The following GSG1L2 variants were observed in gnomAD, a reference collection of about 807,000 sequenced individuals.
GSG1L2 encodes GSG1 like 2, also known as germ cell-specific gene 1-like protein 2.
A neutral mutation model predicts 9.0 loss-of-function variants in GSG1L2; 15 were observed. The ratio of observed to expected loss-of-function variants is 1.67; its 90% CI spans 1.12 to 2.57. The LOEUF (loss-of-function observed/expected upper bound fraction) is 2.57, where lower values mean the gene tolerates loss of function less well. Ranked by LOEUF, GSG1L2 falls within the 30% of genes most tolerant of loss-of-function variation. GSG1L2 has a pLI of 0.00. For missense variants in GSG1L2, 286 were observed against 150.3 expected, an observed-to-expected ratio of 1.90 and a Z score of -4.72; for synonymous variants, 127 against 57.9, an observed-to-expected ratio of 2.19 and a Z score of -5.41.
At chr17:9,816,163 C>T (rs901759646) in intron 1 of GSG1L2, among the ~76,000 whole-genome samples, 1 of 152,208 alleles carries the variant, frequency 6.6e-6, no homozygotes, top group African/African-American at 2.4e-5. Flanking sequence ...TTATAAATTA[C>T]CTAGTTTCTG....
rs906911969 is a variant in GSG1L2, at chr17:9,802,327, T to C, written c.*59A>G. 1.4e-4 allele frequency: 84 copies of C among 608,792 alleles called. No homozygotes were observed. The highest frequency in any genetic ancestry group is 1.2e-3 in the African/African-American group (64 of 54,150). The allele number at this position is 608,792 out of a possible 1,614,324, so 37.7% of individuals were successfully genotyped here. A position where few individuals can be genotyped will look rare whatever the true frequency, so the allele number is the denominator to read the frequency against. ...GTCCAACCCAGAGGCAGGGTGTACA[T>C]TGTGAGTGTCAGTGCCTGGCTTGTT... On this transcript the variant is annotated 3_prime_UTR_variant, in exon 5 of 5. Transcript: ENST00000399363.
At chr17:9,810,914 C>G (rs957454769) in intron 1 of GSG1L2, 1 of 418,104 alleles carries the variant, frequency 2.4e-6, no homozygotes, top group Non-Finnish European at 4.3e-6. Context: ...CTCTGTAATC[C>G]CAGAGGCCCA....
intron 1 of GSG1L2, among the ~76,000 whole-genome samples, chr17:9,813,942 T>TTC (rs2066549393): frequency 8.4e-6 from 1 of 119,050 alleles, no homozygotes; most frequent in East Asian, 8.8e-4. Context: ...CCACAGTTTT[T>TTC]TCTGTTTTTT....
intron 1 of GSG1L2, among the ~76,000 whole-genome samples, chr17:9,817,587 G>A (rs746040294): frequency 1.4e-4 from 22 of 151,990 alleles, no homozygotes; most frequent in Non-Finnish European, 2.6e-4. Flanking sequence ...ACCACACCCG[G>A]CTAATTTTTG....
chr17:9,817,622 A>C (rs2066572992), intron 1 of GSG1L2, among the ~76,000 whole-genome samples: 1 of 151,946 alleles, frequency 6.6e-6, no homozygotes, highest in Non-Finnish European at 1.5e-5. Context: ...ATGGGGTTTC[A>C]CCATGTTGGC....
intron 1 of GSG1L2, among the ~76,000 whole-genome samples, chr17:9,815,566 A>G (rs1314114245): frequency 6.6e-6 from 1 of 152,202 alleles, no homozygotes; most frequent in Admixed American, 6.5e-5. Context: ...CTTCTCAGAG[A>G]TTTTGATGTG....
intron 1 of GSG1L2, among the ~76,000 whole-genome samples, chr17:9,816,028 G>T (rs368266606): frequency 6.6e-6 from 1 of 152,128 alleles, no homozygotes; most frequent in Non-Finnish European, 1.5e-5. Flanking sequence ...CTCAGCCATG[G>T]GCTGCCCTGC....
chr17:9,803,671 T>C (rs2066506210), intron 4 of GSG1L2: 1 of 152,192 alleles, frequency 6.6e-6, no homozygotes, highest in Non-Finnish European at 1.5e-5. Flanking sequence ...AGATTAACAA[T>C]AATAAACAGT....
At chr17:9,806,437 C>T (rs1209388587) in intron 4 of GSG1L2, among the ~76,000 whole-genome samples, 2 of 152,184 alleles carry the variant, frequency 1.3e-5, no homozygotes, top group African/African-American at 2.4e-5. Context: ...TAGATTGTTA[C>T]GCTTAGTACT....
chr17:9,819,008 C>G (rs1425881894), intron 1 of GSG1L2, among the ~76,000 whole-genome samples: 1 of 152,184 alleles, frequency 6.6e-6, no homozygotes, highest in African/African-American at 2.4e-5. Flanking sequence ...TGAATTCACT[C>G]TGCACTGTGC....
In GSG1L2 at chr17:9,806,818, G is replaced by T. The variant is rs116008811; in HGVS notation, c.623+672C>A. ...ATTAACATCTTCAGACTGGGAAGAC[G>T]AAGACTAAGAAAAGTTCAGACTCTA... On this transcript the variant is annotated intron_variant, in intron 4 of 4. Transcript: ENST00000399363. Among the ~76,000 whole-genome samples, 970 of 152,280 alleles carry T rather than the reference G, an allele frequency of 6.4e-3. 15 individuals are homozygous for T. The highest frequency in any genetic ancestry group is 0.022 in the African/African-American group (894 of 41,558).
chr17:9,803,648 A>T (rs1164845680), intron 4 of GSG1L2: 1 of 152,252 alleles, frequency 6.6e-6, no homozygotes, highest in Non-Finnish European at 1.5e-5. Context: ...ACACTTCCCA[A>T]TGGATAATAA....
chr17:9,814,257 T>C (rs925746039), intron 1 of GSG1L2, among the ~76,000 whole-genome samples: 3 of 152,170 alleles, frequency 2.0e-5, no homozygotes, highest in Non-Finnish European at 4.4e-5. Flanking sequence ...GAGTGTTGAG[T>C]TATTAATAAA....
intron 1 of GSG1L2, among the ~76,000 whole-genome samples, chr17:9,813,691 G>A (rs1489338983): frequency 1.3e-5 from 2 of 152,144 alleles, no homozygotes; most frequent in Non-Finnish European, 2.9e-5. Context: ...CTCTCACGTC[G>A]CCTCATCCGA....
chr17:9,803,577 G>C (rs9303244), intron 4 of GSG1L2, among the ~76,000 whole-genome samples: 80,434 of 151,626 alleles, frequency 0.53, 21,841 homozygotes, highest in African/African-American at 0.65. Context: ...TAAAGAGAAG[G>C]GCTGTGTGGT....
intron 1 of GSG1L2, among the ~76,000 whole-genome samples, chr17:9,813,960 A>C (rs1324771769): frequency 6.6e-6 from 1 of 150,792 alleles, no homozygotes; most frequent in Non-Finnish European, 1.5e-5. Context: ...TTTTTGACGG[A>C]GGCTCGCTCT....
chr17:9,814,523 C>A (rs1265689821), intron 1 of GSG1L2, among the ~76,000 whole-genome samples: 1 of 152,098 alleles, frequency 6.6e-6, no homozygotes, highest in African/African-American at 2.4e-5. Context: ...GGAGGCCAGC[C>A]AAGGAGATTA....
At chr17:9,817,580 A>C (rs144467183) in intron 1 of GSG1L2, among the ~76,000 whole-genome samples, 2,687 of 151,910 alleles carry the variant, frequency 0.018, 94 homozygotes, top group African/African-American at 0.061. Flanking sequence ...ACCCACCACC[A>C]CACCCGGCTA....
Position 9,802,347 on chromosome 17 carries a change from C to T in GSG1L2, c.*39G>A, listed in dbSNP as rs1229038793. On this transcript the variant is annotated 3_prime_UTR_variant, in exon 5 of 5. Transcript: ENST00000399363. ...GTACATTGTGAGTGTCAGTGCCTGG[C>T]TTGTTTGCCTGTGCGGATGTGGCAG... 1 of 616,876 alleles carries T rather than the reference C, an allele frequency of 1.6e-6. No homozygotes were observed. 38.2% of individuals were successfully genotyped at this position (616,876 alleles called of 1,614,324 possible).
Sources: gnomAD v4.1 joint callset for allele counts (sites outside exome capture counted in the v4.1 genomes callset) on GRCh38, gnomAD v4.1.1 for gene constraint, MANE v1.5 for transcripts, NCBI Gene and HGNC (gene_info 2026-07-23, HGNC 2026-07-21) for gene names.